Variants in SLC35F4 observed in about 807,000 individuals in gnomAD.
SLC35F4 encodes solute carrier family 35 member F4.
In SLC35F4, 24 loss-of-function variants were observed where a neutral mutation model predicts 44.2. The ratio of observed to expected loss-of-function variants is 0.54; its 90% CI spans 0.39 to 0.76. The LOEUF is 0.76. SLC35F4 is among the 30% of genes least tolerant of loss of function. The pLI is 0.00. For missense variants in SLC35F4, 562 were observed against 586.1 expected (o/e 0.96, Z 0.42); for synonymous variants, 238 against 223.6 (o/e 1.06, Z -0.57).
intron 1 of SLC35F4, among the ~76,000 whole-genome samples, chr14:57,772,133 C>T (rs183463568): frequency 1.7e-3 from 254 of 152,296 alleles, no homozygotes; most frequent in African/African-American, 5.8e-3. Flanking sequence ...ATATGCTGTG[C>T]TATACATGCT....
chr14:57,737,547 C>T (rs1265670092), intron 1 of SLC35F4, among the ~76,000 whole-genome samples: 2 of 152,196 alleles, frequency 1.3e-5, no homozygotes, highest in African/African-American at 4.8e-5. Flanking sequence ...AATGGTAAAA[C>T]AACCCAGTTA....
intron 1 of SLC35F4, among the ~76,000 whole-genome samples, chr14:57,777,148 G>A (rs763716729): frequency 3.9e-5 from 6 of 152,202 alleles, no homozygotes; most frequent in Admixed American, 1.3e-4. Flanking sequence ...AAAGGATGTG[G>A]AGAAATAGGA....
chr14:57,737,734 T>C (rs767484110), intron 1 of SLC35F4, among the ~76,000 whole-genome samples: 18 of 152,098 alleles, frequency 1.2e-4, no homozygotes, highest in Non-Finnish European at 1.8e-4. Flanking sequence ...TTTCAAAGAG[T>C]GATGAAACGC....
At chr14:57,596,880 C>A in intron 1 of SLC35F4, 1 of 1,367,374 alleles carries the variant, frequency 7.3e-7, no homozygotes, top group South Asian at 1.1e-5. Flanking sequence ...GGAAGAGATC[C>A]AAGAGTAGTT....
intron 1 of SLC35F4, among the ~76,000 whole-genome samples, chr14:57,810,192 A>G (rs1249323392): frequency 2.6e-5 from 4 of 152,306 alleles, no homozygotes; most frequent in African/African-American, 9.6e-5. Flanking sequence ...TCCTAGGGAA[A>G]GAGGCATTGT....
At chr14:57,921,764 G>T (rs1011083208) in intron 1 of SLC35F4, among the ~76,000 whole-genome samples, 2 of 152,034 alleles carry the variant, frequency 1.3e-5, no homozygotes, top group Admixed American at 6.5e-5. Flanking sequence ...ACTGGATTAC[G>T]GGCCCACTAC....
At chr14:57,672,939 A>G (rs2074568316) in intron 1 of SLC35F4, among the ~76,000 whole-genome samples, 1 of 151,920 alleles carries the variant, frequency 6.6e-6, no homozygotes, top group Non-Finnish European at 1.5e-5. Flanking sequence ...CCCACCAAGT[A>G]GTTTTCACAA....
intron 6 of SLC35F4, among the ~76,000 whole-genome samples, chr14:57,568,237 TGCCAGTGTTCAGCTA>T (rs554155586): frequency 2.5e-3 from 384 of 152,330 alleles, no homozygotes; most frequent in African/African-American, 8.8e-3. Context: ...TGGTGGCGAA[TGCCAGTGTTCAGCTA>T]GCACAGGTGG....
chr14:57,758,262 T>A (rs1313239535), intron 1 of SLC35F4, among the ~76,000 whole-genome samples: 1 of 152,134 alleles, frequency 6.6e-6, no homozygotes, highest in Non-Finnish European at 1.5e-5. Flanking sequence ...ATTTGTTTAG[T>A]TTCCTGGTTT....
rs140379522 is a variant in SLC35F4 at position 57,872,708 on chromosome 14, C to T, written n.282+109205G>A. Reference sequence around the variant, plus strand: ...AACAGGAGCTAGGGTATAAATTCTCCATTCCATTCTGAATGGACTTCCCTG... The same window carrying T: ...AACAGGAGCTAGGGTATAAATTCTCTATTCCATTCTGAATGGACTTCCCTG... On this transcript the variant is annotated intron_variant and non_coding_transcript_variant, in intron 1 of 1. Transcript: ENST00000556568. Among the ~76,000 whole-genome samples the T allele has an allele frequency of 3.6e-3, 550 of 152,286 alleles. 2 individuals carry two copies. Among genetic ancestry groups the T allele is most frequent in the African/African-American group, 0.013 (533 of 41,572 alleles).
chr14:57,609,877 C>T lies in SLC35F4; in HGVS notation c.104-15753G>A, dbSNP rs575247030. 8.5e-5 allele frequency among the ~76,000 whole-genome samples: 13 copies of T among 152,302 alleles called. No homozygotes were observed. In the South Asian group the frequency reaches 1.9e-3, roughly 22 times the overall value. On this transcript the variant is annotated intron_variant, in intron 1 of 7. Transcript: ENST00000556826. ...CACATTAGGCCCTTGCTGGCTATTT[C>T]GTGGATGACTGGCTGCCATGTGTTC...
chr14:57,735,964 C>A (rs935451773), intron 1 of SLC35F4, among the ~76,000 whole-genome samples: 5 of 152,176 alleles, frequency 3.3e-5, no homozygotes, highest in Non-Finnish European at 5.9e-5. Context: ...ATACTACTAT[C>A]TCAGCCTCTA....
intron 1 of SLC35F4, among the ~76,000 whole-genome samples, chr14:57,798,594 A>G (rs1411048040): frequency 6.6e-6 from 1 of 152,220 alleles, no homozygotes; most frequent in Non-Finnish European, 1.5e-5. Context: ...GATGCATCTC[A>G]TAAGCATGAT....
intron 1 of SLC35F4, among the ~76,000 whole-genome samples, chr14:57,701,068 T>G (rs2075526840): frequency 6.6e-6 from 1 of 152,112 alleles, no homozygotes; most frequent in Non-Finnish European, 1.5e-5. Context: ...AACTCCTGGG[T>G]TCAAGCAGTA....
intron 1 of SLC35F4, among the ~76,000 whole-genome samples, chr14:57,758,000 C>CGTGTGT (rs1566827766): frequency 8.3e-5 from 8 of 95,950 alleles, no homozygotes; most frequent in African/African-American, 2.3e-4. Flanking sequence ...ATTATAGGTT[C>CGTGTGT]ATGTGTGTGT....
chr14:57,564,119 C>T lies in SLC35F4; in HGVS notation c.*16G>A. On this transcript the variant is annotated 3_prime_UTR_variant, in exon 8 of 8. Transcript: ENST00000556826. ...CACAGAATATACATACACGTGCATTCAAAATATGTCCCTCTCTAAGCCAGT... is the reference window on the plus strand; with the variant it reads ...CACAGAATATACATACACGTGCATTTAAAATATGTCCCTCTCTAAGCCAGT... 13 of 1,612,686 alleles carry T rather than the reference C, an allele frequency of 8.1e-6. No individual in the cohort carries two copies. Among genetic ancestry groups the T allele is most frequent in the Non-Finnish European group, 1.1e-5 (13 of 1,179,134 alleles).
chr14:57,967,452 T>C (rs910934046), intron 1 of SLC35F4, among the ~76,000 whole-genome samples: 4 of 152,200 alleles, frequency 2.6e-5, no homozygotes, highest in Non-Finnish European at 5.9e-5. Flanking sequence ...GTTTGGAGCA[T>C]TTTTAACATA....
intron 1 of SLC35F4, among the ~76,000 whole-genome samples, chr14:57,801,778 A>T (rs2140856534): frequency 6.6e-6 from 1 of 152,344 alleles, no homozygotes; most frequent in Admixed American, 6.5e-5. Context: ...CAACAAGAAG[A>T]GCTAACTATC....
At chr14:57,662,049 CAT>C (rs1415579047) in intron 1 of SLC35F4, among the ~76,000 whole-genome samples, 3 of 152,152 alleles carry the variant, frequency 2.0e-5, no homozygotes, top group Non-Finnish European at 4.4e-5. Flanking sequence ...CTATTTTAAA[CAT>C]AGTGAAGTAA....
Sources: allele counts gnomAD v4.1 joint callset (sites outside exome capture counted in the v4.1 genomes callset), GRCh38; gene constraint gnomAD v4.1.1; transcripts MANE v1.5; gene names NCBI Gene and HGNC (gene_info 2026-07-23, HGNC 2026-07-21).